The following GXYLT1 variants were observed in gnomAD, a reference collection of about 807,000 sequenced individuals.
GXYLT1 encodes glucoside xylosyltransferase 1, also known as glycosyltransferase 8 domain containing 3.
A neutral mutation model predicts 54.0 loss-of-function variants in GXYLT1; 29 were observed. That is an observed-to-expected ratio of 0.54 (90% CI 0.40 to 0.73). The LOEUF (loss-of-function observed/expected upper bound fraction) is 0.73. GXYLT1 is among the 30% of genes least tolerant of loss of function. The pLI is 0.00. For missense variants in GXYLT1, 490 were observed against 553.4 expected, an observed-to-expected ratio of 0.89 and a Z score of 1.15; for synonymous variants, 176 against 204.1, an observed-to-expected ratio of 0.86 and a Z score of 1.17.
intron 4 of GXYLT1, among the ~76,000 whole-genome samples, chr12:42,107,414 G>C (rs1592109249): frequency 6.6e-6 from 1 of 152,308 alleles, no homozygotes; most frequent in East Asian, 1.9e-4. Context: ...TCTGTGGCCA[G>C]GCATGGTGGC....
At chr12:42,120,135 A>T (rs972143059) in intron 2 of GXYLT1, among the ~76,000 whole-genome samples, 12 of 151,550 alleles carry the variant, frequency 7.9e-5, no homozygotes, top group Admixed American at 1.3e-4. Flanking sequence ...CATTGTTATT[A>T]AAAAAAAACC....
intron 1 of GXYLT1, among the ~76,000 whole-genome samples, chr12:42,139,258 T>C (rs1327530312): frequency 1.3e-5 from 2 of 151,802 alleles, no homozygotes; most frequent in Non-Finnish European, 2.9e-5. Flanking sequence ...ATCAACCAAG[T>C]AACTTTCTCC....
chr12:42,113,795 G>C (rs1444343586), intron 3 of GXYLT1, among the ~76,000 whole-genome samples: 1 of 150,962 alleles, frequency 6.6e-6, no homozygotes, highest in African/African-American at 2.5e-5. Context: ...GACATCTACA[G>C]AACTCTCCAC....
chr12:42,112,019 G>A (rs141209792), intron 3 of GXYLT1, among the ~76,000 whole-genome samples: 3,696 of 152,302 alleles, frequency 0.024, 155 homozygotes, highest in African/African-American at 0.084. Context: ...TGATACCCAG[G>A]CAAACAGGGT....
intron 7 of GXYLT1, among the ~76,000 whole-genome samples, chr12:42,092,920 G>T (rs545889510): frequency 6.6e-6 from 1 of 152,164 alleles, no homozygotes; most frequent in East Asian, 1.9e-4. Flanking sequence ...ACTTGTGTTG[G>T]GCCATGTTCA....
rs541878986 is a variant in GXYLT1, at chr12:42,083,128, TTC to T, written c.*4656_*4657del. 9.2e-5 allele frequency: 14 copies of T among 152,188 alleles called. No individual in the cohort carries two copies. Among genetic ancestry groups the T allele is most frequent in the Non-Finnish European group, 2.1e-4 (14 of 68,022 alleles). The allele number at this position is 152,188 out of a possible 1,614,324, so 9.4% of individuals were successfully genotyped here. A position where few individuals can be genotyped will look rare whatever the true frequency, so the allele number is the denominator to read the frequency against. The stretch of plus-strand genomic sequence containing the variant: ...TTAAACTGTTACATCTAATATGCTA[TTC>T]TGTTTTTCTCATGAGTCTTTAATTG... On this transcript the variant is annotated 3_prime_UTR_variant, in exon 8 of 8. Transcript: ENST00000398675.
intron 1 of GXYLT1, among the ~76,000 whole-genome samples, chr12:42,138,276 G>A (rs1473508257): frequency 6.6e-6 from 1 of 152,140 alleles, no homozygotes; most frequent in Non-Finnish European, 1.5e-5. Context: ...GACAGAGACT[G>A]CGTCTCAAAT....
intron 5 of GXYLT1, among the ~76,000 whole-genome samples, chr12:42,099,752 A>C (rs183963163): frequency 6.6e-6 from 1 of 152,156 alleles, no homozygotes; most frequent in Non-Finnish European, 1.5e-5. Context: ...TGGAAGGCTG[A>C]GGTGGGAGGA....
intron 2 of GXYLT1, among the ~76,000 whole-genome samples, chr12:42,120,277 T>C (rs976759899): frequency 4.6e-5 from 7 of 152,338 alleles, no homozygotes; most frequent in African/African-American, 1.2e-4. Flanking sequence ...TCTTAAACCA[T>C]GCTGACTACA....
intron 2 of GXYLT1, among the ~76,000 whole-genome samples, chr12:42,127,362 A>C (rs2065569087): frequency 6.6e-6 from 1 of 151,962 alleles, no homozygotes; most frequent in Non-Finnish European, 1.5e-5. Flanking sequence ...CTTTTTTTAA[A>C]TGTAATAGCA....
chr12:42,117,663 G>C (rs2065505052), intron 3 of GXYLT1, among the ~76,000 whole-genome samples: 1 of 152,170 alleles, frequency 6.6e-6, no homozygotes, highest in South Asian at 2.1e-4. Context: ...ATGATCATTA[G>C]CATCACCTTT....
rs2065268827 is a variant in GXYLT1, at chr12:42,083,850, A to T, written c.*3936T>A. 2.0e-5 allele frequency: 3 copies of T among 152,190 alleles called. No homozygotes were observed. In the South Asian group the frequency reaches 6.2e-4, roughly 32 times the overall value. 9.4% of individuals were successfully genotyped at this position (152,190 alleles called of 1,614,324 possible). ...CAGACCTAATGAAGCAGTCCCCTCC[A>T]CTTCCAACCTCCACTGGGGAATATG... On this transcript the variant is annotated 3_prime_UTR_variant, in exon 8 of 8. Transcript: ENST00000398675.
chr12:42,093,863 G>A (rs1028616414), intron 7 of GXYLT1, among the ~76,000 whole-genome samples: 1 of 152,022 alleles, frequency 6.6e-6, no homozygotes, highest in Non-Finnish European at 1.5e-5. Flanking sequence ...AGTAAATGGT[G>A]TAGAGACAAA....
At chr12:42,115,799 C>T (rs2065490614) in intron 3 of GXYLT1, among the ~76,000 whole-genome samples, 1 of 151,000 alleles carries the variant, frequency 6.6e-6, no homozygotes, top group South Asian at 2.1e-4. Context: ...CATATGGAAC[C>T]AAAAAAGAGC....
intron 3 of GXYLT1, among the ~76,000 whole-genome samples, chr12:42,114,766 C>T (rs2065482575): frequency 6.6e-6 from 1 of 152,168 alleles, no homozygotes; most frequent in African/African-American, 2.4e-5. Flanking sequence ...AGGAATCCTC[C>T]CTAACTCATT....
chr12:42,144,411 G>C lies in GXYLT1; in HGVS notation c.221+15C>G. On this transcript the variant is annotated intron_variant, in intron 1 of 7. Coordinates refer to ENST00000398675, the MANE Select transcript of GXYLT1 (RefSeq NM_173601.2). ...CCGCGCCCGCCGCGTCCCCCACACC[G>C]GGAACTGCCCGTACCTGTCCGACAC... 1 of 1,340,828 alleles carries C rather than the reference G, an allele frequency of 7.5e-7. No individual in the cohort carries two copies. The highest frequency in any genetic ancestry group is 1.6e-5 in the South Asian group (1 of 63,644). 83.1% of individuals were successfully genotyped at this position (1,340,828 alleles called of 1,614,324 possible). A position where few individuals can be genotyped will look rare whatever the true frequency, so the allele number is the denominator to read the frequency against.
chr12:42,116,707 G>T (rs994588377), intron 3 of GXYLT1, among the ~76,000 whole-genome samples: 2 of 152,202 alleles, frequency 1.3e-5, no homozygotes, highest in Non-Finnish European at 2.9e-5. Context: ...AGCCATTGTG[G>T]AAGTCATTGT....
chr12:42,136,166 T>C (rs1315289732), intron 1 of GXYLT1, among the ~76,000 whole-genome samples: 3 of 152,214 alleles, frequency 2.0e-5, no homozygotes, highest in Non-Finnish European at 2.9e-5. Context: ...AAACTCACAC[T>C]GAGAACTTAT....
Position 42,086,351 on chromosome 12 carries a change from T to C in GXYLT1, c.*1435A>G, listed in dbSNP as rs2065293251. On this transcript the variant is annotated 3_prime_UTR_variant, in exon 8 of 8. Coordinates refer to ENST00000398675, the MANE Select transcript of GXYLT1 (RefSeq NM_173601.2). ...ACTGCAGACGACAGAACAACTGTAC[T>C]AACCATCTCTTTCTGCATATTCCAT... The C allele has an allele frequency of 6.6e-6, 1 of 152,284 alleles. No homozygotes were observed. Among genetic ancestry groups the C allele is most frequent in the African/African-American group, 2.4e-5 (1 of 41,478 alleles). 9.4% of individuals were successfully genotyped at this position (152,284 alleles called of 1,614,324 possible). A position where few individuals can be genotyped will look rare whatever the true frequency, so the allele number is the denominator to read the frequency against.
Sources: gnomAD v4.1 joint callset for allele counts (sites outside exome capture counted in the v4.1 genomes callset) on GRCh38, gnomAD v4.1.1 for gene constraint, MANE v1.5 for transcripts, NCBI Gene and HGNC (gene_info 2026-07-23, HGNC 2026-07-21) for gene names.